Variants in SLC6A3 observed in about 807,000 individuals in gnomAD.
The protein encoded by SLC6A3 is solute carrier family 6 member 3, also known as sodium-dependent dopamine transporter.
In SLC6A3, 19 loss-of-function variants were observed where a neutral mutation model predicts 70.4. That is an observed-to-expected ratio of 0.27 (90% confidence interval 0.19 to 0.40). SLC6A3 has a LOEUF of 0.40. Among genes scored for constraint, SLC6A3 ranks in the 10% least tolerant of loss-of-function variants. SLC6A3 has a pLI of 1.00. For synonymous variants in SLC6A3, 368 were observed against 356.6 expected, an observed-to-expected ratio of 1.03 and a Z score of -0.36; for missense variants, 613 against 838.5, an observed-to-expected ratio of 0.73 and a Z score of 3.32.
intron 7 of SLC6A3, among the ~76,000 whole-genome samples, chr5:1,415,529 A>G (rs1756269092): frequency 6.6e-6 from 1 of 152,112 alleles, no homozygotes; most frequent in Non-Finnish European, 1.5e-5. Context: ...CTGTCCTTGT[A>G]TTTTTACCGT....
chr5:1,398,969 G>T (rs1053449110), intron 14 of SLC6A3, among the ~76,000 whole-genome samples: 2 of 152,200 alleles, frequency 1.3e-5, no homozygotes, highest in Admixed American at 1.3e-4. Context: ...GACAATGTGG[G>T]TAACATAATA....
At chr5:1,399,299 G>GA (rs1391505019) in intron 14 of SLC6A3, among the ~76,000 whole-genome samples, 1 of 152,024 alleles carries the variant, frequency 6.6e-6, no homozygotes, top group East Asian at 1.9e-4. Flanking sequence ...AAAATACTAT[G>GA]AAAAAAATAC....
Position 1,431,557 on chromosome 5 carries a change from G to A in SLC6A3, c.653+907C>T, listed in dbSNP as rs1391032280. On this transcript the variant is annotated intron_variant, in intron 4 of 14. Transcript: ENST00000270349. ...TAGACAGTGTGGGTTGGGTCTGGCCGGGGTGGACGGTGAGGGGTGGGCCTG... is the reference window on the plus strand; with the variant it reads ...TAGACAGTGTGGGTTGGGTCTGGCCAGGGTGGACGGTGAGGGGTGGGCCTG... Among the ~76,000 whole-genome samples the A allele has an allele frequency of 4.0e-4, 60 of 151,066 alleles. 1 individual carries two copies. Among genetic ancestry groups the A allele is most frequent in the Non-Finnish European group, 6.1e-4 (41 of 67,730 alleles).
At position 1,422,983 on chromosome 5, in the gene SLC6A3, C is replaced by T. The variant is rs575189251; in HGVS notation, c.654-969G>A. On this transcript the variant is annotated intron_variant, in intron 4 of 14. Coordinates refer to ENST00000270349, the MANE Select transcript of SLC6A3 (RefSeq NM_001044.5). ...CCACCGCTGCCCACAGTGCTGCCCA[C>T]GCTGCTGGGTACCCACTGCTGCCCA... is the stretch of plus-strand genomic sequence containing the variant. Among the ~76,000 whole-genome samples the T allele has an allele frequency of 3.5e-4, 24 of 69,218 alleles. 1 individual carries two copies. The highest frequency in any genetic ancestry group is 1.4e-3 in the African/African-American group (18 of 13,006). The allele number at this position is 69,218 out of a possible 152,430, so 45.4% of individuals were successfully genotyped here. A position where few individuals can be genotyped will look rare whatever the true frequency, so the allele number is the denominator to read the frequency against.
At chr5:1,414,836 G>C in intron 7 of SLC6A3, 21 bp from the exon 8 acceptor site, 1 of 1,612,686 alleles carries the variant, frequency 6.2e-7, no homozygotes, top group Non-Finnish European at 8.5e-7. Flanking sequence ...AAGACACGCC[G>C]TCTCAGGAAC....
intron 4 of SLC6A3, among the ~76,000 whole-genome samples, chr5:1,431,108 C>T (rs1756690797): frequency 2.0e-5 from 3 of 152,226 alleles, no homozygotes; most frequent in African/African-American, 7.2e-5. Context: ...TCGAAGAGTC[C>T]GCCTGTCAGA....
rs200834947 is a variant in SLC6A3 at position 1,421,181 on chromosome 5, T to TG, written c.793-479_793-478insC. On this transcript the variant is annotated intron_variant, in intron 5 of 14. Transcript: ENST00000270349. The surrounding 1 kb of genome is among the most constrained non-coding windows in gnomAD (Gnocchi z 7.2). ...TTTGGCCCATATAACAACCAAAGTTTTTTTTTTTTTTTTGAGATGGAGTTT... is the reference window on the plus strand; with the variant it reads ...TTTGGCCCATATAACAACCAAAGTTTGTTTTTTTTTTTTTGAGATGGAGTTT... Among the ~76,000 whole-genome samples, 2 of 150,840 alleles carry TG rather than the reference T, an allele frequency of 1.3e-5. No homozygotes were observed. Among genetic ancestry groups the TG allele is most frequent in the African/African-American group, 4.9e-5 (2 of 41,006 alleles).
At chr5:1,443,696 T>C (rs1733735901) in intron 1 of SLC6A3, among the ~76,000 whole-genome samples, 2 of 152,110 alleles carry the variant, frequency 1.3e-5, no homozygotes, top group South Asian at 2.1e-4. Flanking sequence ...TTTTTTAACA[T>C]GAGGTCTCGC....
At position 1,404,698 on chromosome 5, in the gene SLC6A3, G is replaced by A. The variant is rs28363123; in HGVS notation, c.1599+1490C>T. On this transcript the variant is annotated intron_variant, in intron 12 of 14. Coordinates refer to ENST00000270349, the MANE Select transcript of SLC6A3 (RefSeq NM_001044.5). This position sits in a 1 kb window ranked among gnomAD's most constrained non-coding sequence, Gnocchi z 5.2. ...ATAACACAGACGTTATGTTTCTGCTGAAATCAGAACTTCATAGGAATTGTG... is the reference window on the plus strand; with the variant it reads ...ATAACACAGACGTTATGTTTCTGCTAAAATCAGAACTTCATAGGAATTGTG... 2.8e-4 allele frequency among the ~76,000 whole-genome samples: 42 copies of A among 152,268 alleles called. No individual in the cohort carries two copies. Among genetic ancestry groups the A allele is most frequent in the Non-Finnish European group, 4.6e-4 (31 of 68,056 alleles).
intron 4 of SLC6A3, among the ~76,000 whole-genome samples, chr5:1,430,429 C>G (rs1185277019): frequency 1.3e-5 from 2 of 152,238 alleles, no homozygotes; most frequent in Non-Finnish European, 2.9e-5. Context: ...TGCTTCCATG[C>G]CCGAGGAGGA....
intron 3 of SLC6A3, among the ~76,000 whole-genome samples, chr5:1,439,180 C>G (rs1043499834): frequency 6.6e-6 from 1 of 152,192 alleles, no homozygotes; most frequent in African/African-American, 2.4e-5. Flanking sequence ...GACCTGATAT[C>G]AGGGACCTGA....
rs569798701 is a variant in SLC6A3, at chr5:1,393,621, G to A, written c.*1114C>T. 3.7e-5 allele frequency: 5 copies of A among 135,070 alleles called. No homozygotes were observed. Among genetic ancestry groups the A allele is most frequent in the Non-Finnish European group, 8.3e-5 (5 of 60,584 alleles). The allele number at this position is 135,070 out of a possible 1,614,324, so 8.4% of individuals were successfully genotyped here. On this transcript the variant is annotated 3_prime_UTR_variant, in exon 15 of 15. Coordinates refer to ENST00000270349, the MANE Select transcript of SLC6A3 (RefSeq NM_001044.5). Reference sequence around the variant, plus strand: ...GCGTCCTGGGGTAGTACACGCTCCTGTGGGGGCCCTGCATGCATCCTGGGG... The same window carrying A: ...GCGTCCTGGGGTAGTACACGCTCCTATGGGGGCCCTGCATGCATCCTGGGG...
At chr5:1,420,873 G>A (rs1756419416) in intron 5 of SLC6A3, among the ~76,000 whole-genome samples, 170 bp from the exon 6 acceptor site, 1 of 152,260 alleles carries the variant, frequency 6.6e-6, no homozygotes, top group South Asian at 2.1e-4. Context: ...GAGTGAGAAG[G>A]TCAGACACTT....
At position 1,416,215 on chromosome 5, in the gene SLC6A3, G is replaced by T; in HGVS notation, c.928-14C>A. On this transcript the variant is annotated splice_polypyrimidine_tract_variant and intron_variant, in intron 6 of 14. Coordinates refer to ENST00000270349, the MANE Select transcript of SLC6A3 (RefSeq NM_001044.5). ...GTCAATCCAAACCTGCAGAGCCAGA[G>T]GGCGGTGAGAGGCTGTCCCAGGAGA... 6.2e-7 allele frequency: 1 copy of T among 1,605,130 alleles called. No individual in the cohort carries two copies.
rs760589886 is a variant in SLC6A3, at chr5:1,443,054, G to A, written c.144C>T (p.Thr48=). Residue 48 remains threonine, a synonymous_variant, in exon 2 of 15, where the codon ACC becomes ACT. Coordinates refer to ENST00000270349, the MANE Select transcript of SLC6A3 (RefSeq NM_001044.5). ...CCTCCACGGGGCTCTGCCGCGGGTT[G>A]GTGAGGGTGGAGCTGGTGAGCTGCA... ...NGVQLTSSTL[T]NPRQSPVEAQ... is the part of the protein sequence containing the mutation. 3 of 1,614,246 alleles carry A rather than the reference G, an allele frequency of 1.9e-6. No individual in the cohort carries two copies.
At position 1,408,427 on chromosome 5, in the gene SLC6A3, C is replaced by T. The variant is rs1475803838; in HGVS notation, c.1498+599G>A. ...CAGGTAAGCGGAGCTGGCACTCCTG[C>T]CCATTTTACAGAAGAGAGAACTAAG... is the stretch of plus-strand genomic sequence containing the variant. On this transcript the variant is annotated intron_variant, in intron 11 of 14. Transcript: ENST00000270349. The surrounding 1 kb of genome is among the most constrained non-coding windows in gnomAD (Gnocchi z 6.4). Among the ~76,000 whole-genome samples, 1 of 152,062 alleles carries T rather than the reference C, an allele frequency of 6.6e-6. No individual in the cohort carries two copies.
chr5:1,400,269 G>A (rs1206873741), intron 14 of SLC6A3, among the ~76,000 whole-genome samples: 44 of 152,318 alleles, frequency 2.9e-4, no homozygotes, highest in Non-Finnish European at 1.0e-4. Flanking sequence ...GCCTCTCTGG[G>A]TCTCAGGGAC....
At chr5:1,441,859 C>T (rs1733677201) in intron 2 of SLC6A3, among the ~76,000 whole-genome samples, 1 of 152,144 alleles carries the variant, frequency 6.6e-6, no homozygotes, top group African/African-American at 2.4e-5. Context: ...TCCTCTTTGC[C>T]TCTTGAGTTG....
rs908575858 is a variant in SLC6A3 at position 1,396,214 on chromosome 5, G to A, written c.1840-1456C>T. Among the ~76,000 whole-genome samples the A allele has an allele frequency of 3.3e-5, 5 of 152,220 alleles. No individual in the cohort carries two copies. Among genetic ancestry groups the A allele is most frequent in the Non-Finnish European group, 5.9e-5 (4 of 68,044 alleles). On this transcript the variant is annotated intron_variant, in intron 14 of 14. Coordinates refer to ENST00000270349, the MANE Select transcript of SLC6A3 (RefSeq NM_001044.5). The surrounding 1 kb of genome is among the most constrained non-coding windows in gnomAD (Gnocchi z 7.0). ...CTGAGCTGTGGTTTGTTCACGTGAC[G>A]GACGGTCAGGGACCAGTCACGGTAG...
Sources: gnomAD v4.1 joint callset for allele counts (sites outside exome capture counted in the v4.1 genomes callset) on GRCh38, gnomAD v4.1.1 for gene constraint, Gnocchi (gnomAD v3.1) non-coding constraint, MANE v1.5 for transcripts, NCBI Gene and HGNC (gene_info 2026-07-23, HGNC 2026-07-21) for gene names.